Variants in TRMT11 observed in about 807,000 individuals in gnomAD.
TRMT11 encodes tRNA (guanine(10)-N(2))-methyltransferase TRMT11.
TRMT11 carries 53 observed loss-of-function variants against 62.8 expected under a neutral mutation model. The observed-to-expected ratio is 0.84, with a 90% CI of 0.68 to 1.06. The LOEUF (loss-of-function observed/expected upper bound fraction) is 1.06, where lower values mean the gene tolerates loss of function less well. Ranked by LOEUF, TRMT11 falls within the 50% of genes least tolerant of loss-of-function variation. The probability of loss-of-function intolerance (pLI) is 0.00; values close to 1 mark genes in which losing one functional copy is unlikely to be tolerated. For synonymous variants in TRMT11, 188 were observed against 190.3 expected (o/e 0.99, Z 0.10); for missense variants, 556 against 553.4 (o/e 1.00, Z -0.05).
At chr6:126,141,369 A>G (rs1777914608) in intron 21 of TRMT11, among the ~76,000 whole-genome samples, 1 of 152,170 alleles carries the variant, frequency 6.6e-6, no homozygotes. Context: ...TTAAATAGTC[A>G]AAAGTATTTG....
At chr6:126,138,574 C>T (rs762452114) in intron 21 of TRMT11, among the ~76,000 whole-genome samples, 1 of 151,966 alleles carries the variant, frequency 6.6e-6, no homozygotes, top group Non-Finnish European at 1.5e-5. Flanking sequence ...GAATCATCCT[C>T]AGAGATTTAG....
chr6:126,251,529 A>G, the TRMT11 span, among the ~76,000 whole-genome samples: 1 of 152,132 alleles, frequency 6.6e-6, no homozygotes, highest in African/African-American at 2.4e-5. Flanking sequence ...ACATTGTTTT[A>G]TTAACTGTAA....
chr6:126,143,729 T>G (rs995701422), intron 21 of TRMT11, among the ~76,000 whole-genome samples: 7 of 152,186 alleles, frequency 4.6e-5, no homozygotes, highest in African/African-American at 1.7e-4. Flanking sequence ...TATAATTCTT[T>G]ATTATTGTGA....
At chr6:126,145,057 G>A (rs984187610) in intron 21 of TRMT11, among the ~76,000 whole-genome samples, 1 of 152,080 alleles carries the variant, frequency 6.6e-6, no homozygotes, top group Admixed American at 6.6e-5. Flanking sequence ...TAGACATTAG[G>A]GTAACTATAG....
At chr6:126,151,905 C>CTCTCTCTTTCTTTCTT in intron 21 of TRMT11, among the ~76,000 whole-genome samples, 2 of 80,432 alleles carry the variant, frequency 2.5e-5, no homozygotes, top group South Asian at 1.2e-3. Flanking sequence ...TCTTTCTTTT[C>CTCTCTCTTTCTTTCTT]TCTTTCTTTC....
intron 16 of TRMT11, among the ~76,000 whole-genome samples, chr6:126,045,354 G>A (rs1242552706): frequency 6.6e-6 from 1 of 152,148 alleles, no homozygotes; most frequent in South Asian, 2.1e-4. Flanking sequence ...GATGGTTTTT[G>A]ATCATGAGGA....
chr6:126,270,642 G>T, the TRMT11 span, among the ~76,000 whole-genome samples: 1 of 152,070 alleles, frequency 6.6e-6, no homozygotes, highest in Non-Finnish European at 1.5e-5. Context: ...ACATGCTGAG[G>T]AATTAAGCAA....
chr6:126,190,169 G>T lies in TRMT11; in HGVS notation n.144-8630G>T, dbSNP rs185109978. The stretch of plus-strand genomic sequence containing the variant: ...ATTTGTTTTTTCTAACTGCGTTTTT[G>T]TACCCATTAACTAGCTTCACTTCAT... On this transcript the variant is annotated intron_variant and non_coding_transcript_variant, in intron 1 of 3. Transcript: ENST00000444229. Among the ~76,000 whole-genome samples, 886 of 152,016 alleles carry T rather than the reference G, an allele frequency of 5.8e-3. 1 individual carries two copies. The highest frequency in any genetic ancestry group is 8.9e-3 in the Non-Finnish European group (605 of 67,940).
chr6:126,008,349 T>G, intron 7 of TRMT11, 43 bp from the exon 8 acceptor site: 3 of 1,526,348 alleles, frequency 2.0e-6, no homozygotes, highest in Non-Finnish European at 2.7e-6. Context: ...AACAGGAGTT[T>G]GGGACTTACT....
chr6:126,105,593 TG>T lies in TRMT11; in HGVS notation c.*1438-7272del, dbSNP rs1217455297. Among the ~76,000 whole-genome samples, 671 of 151,404 alleles carry T rather than the reference TG, an allele frequency of 4.4e-3. 3 individuals are homozygous for T. The highest frequency in any genetic ancestry group is 0.013 in the African/African-American group (537 of 40,994). On this transcript the variant is annotated intron_variant and NMD_transcript_variant, in intron 17 of 22. Coordinates refer to the TRMT11 transcript ENST00000648977. ...TCAGAGCATGCATGATCTTTAAGATTGTTTTTTTTTTTTAGCTCTCATGCAT... is the reference window on the plus strand; with the variant it reads ...TCAGAGCATGCATGATCTTTAAGATTTTTTTTTTTTTTAGCTCTCATGCAT...
the TRMT11 span, among the ~76,000 whole-genome samples, chr6:126,230,835 G>T: frequency 6.6e-6 from 1 of 152,082 alleles, no homozygotes; most frequent in Non-Finnish European, 1.5e-5. Context: ...AAAAATGACT[G>T]TGCTATATTG....
intron 1 of TRMT11, among the ~76,000 whole-genome samples, chr6:125,990,148 G>T (rs1258246008): frequency 6.6e-6 from 1 of 152,080 alleles, no homozygotes; most frequent in African/African-American, 2.4e-5. Context: ...GATCCTGTGG[G>T]TCTGTTTCTA....
chr6:126,229,224 T>C, the TRMT11 span, among the ~76,000 whole-genome samples: 1 of 152,242 alleles, frequency 6.6e-6, no homozygotes, highest in Non-Finnish European at 1.5e-5. Context: ...TTAAATAGGT[T>C]GGACAATTTG....
At chr6:126,228,554 A>C in the TRMT11 span, among the ~76,000 whole-genome samples, 1 of 152,252 alleles carries the variant, frequency 6.6e-6, no homozygotes, top group Admixed American at 6.5e-5. Context: ...TCAGGTGCTC[A>C]TGTGGGAGAG....
the TRMT11 span, among the ~76,000 whole-genome samples, chr6:126,232,464 A>G: frequency 1.3e-5 from 2 of 152,200 alleles, no homozygotes; most frequent in South Asian, 2.1e-4. Context: ...TCAGGTATAT[A>G]TGCTAAATTG....
Position 125,998,539 on chromosome 6 carries a change from G to C in TRMT11, c.388-11G>C, listed in dbSNP as rs776234744. 23 of 1,604,900 alleles carry C rather than the reference G, an allele frequency of 1.4e-5. No homozygotes were observed. The highest frequency in any genetic ancestry group is 1.8e-5 in the Non-Finnish European group (21 of 1,177,322). Reference sequence around the variant, plus strand: ...ATTATAAGACATCAGCATTTCTTTTGTTTCTTTTAGGCACTTGAATTTCTG... The same window carrying C: ...ATTATAAGACATCAGCATTTCTTTTCTTTCTTTTAGGCACTTGAATTTCTG... On this transcript the variant is annotated splice_polypyrimidine_tract_variant and intron_variant, in intron 5 of 12. Transcript: ENST00000334379.
intron 21 of TRMT11, among the ~76,000 whole-genome samples, chr6:126,123,643 G>C (rs890263297): frequency 6.6e-6 from 1 of 151,892 alleles, no homozygotes; most frequent in Non-Finnish European, 1.5e-5. Context: ...TTTAATAAAA[G>C]AGGAATAAAG....
intron 17 of TRMT11, among the ~76,000 whole-genome samples, chr6:126,108,476 C>T (rs1777488822): frequency 6.6e-6 from 1 of 152,148 alleles, no homozygotes; most frequent in Non-Finnish European, 1.5e-5. Flanking sequence ...TGCCAGGCAC[C>T]TTACATTTAT....
At position 126,196,858 on chromosome 6, in the gene TRMT11, A is replaced by AT. The variant is rs1165036995; in HGVS notation, n.144-1933dup. On this transcript the variant is annotated intron_variant and non_coding_transcript_variant, in intron 1 of 3. Coordinates refer to the TRMT11 transcript ENST00000444229. ...GTTAAATTCAAAACTGGGAATTAAA[A>AT]TTTTTTTTAAAAAACAAGGTTTATG... is the stretch of plus-strand genomic sequence containing the variant. Among the ~76,000 whole-genome samples, 7 of 152,148 alleles carry AT rather than the reference A, an allele frequency of 4.6e-5. No homozygotes were observed. The East Asian group carries it at 7.7e-4, about 17-fold the overall frequency.
Sources: gnomAD v4.1 joint callset for allele counts (sites outside exome capture counted in the v4.1 genomes callset) on GRCh38, gnomAD v4.1.1 for gene constraint, MANE v1.5 for transcripts, NCBI Gene and HGNC (gene_info 2026-07-23, HGNC 2026-07-21) for gene names.